Variants in SLC4A8 observed in about 807,000 individuals in gnomAD.
The protein encoded by SLC4A8 is solute carrier family 4 member 8, also known as electroneutral sodium bicarbonate exchanger 1.
Under a neutral mutation model 125.0 loss-of-function variants are expected in SLC4A8, and 40 were observed. The ratio of observed to expected loss-of-function variants is 0.32; its 90% CI spans 0.25 to 0.42. The LOEUF is 0.42. Ranked by LOEUF, SLC4A8 falls within the 10% of genes least tolerant of loss-of-function variation. The pLI is 1.00. For missense variants in SLC4A8, 863 were observed against 1,355.1 expected, an observed-to-expected ratio of 0.64 and a Z score of 5.70; for synonymous variants, 456 against 476.0, an observed-to-expected ratio of 0.96 and a Z score of 0.55.
intron 1 of SLC4A8, among the ~76,000 whole-genome samples, chr12:51,418,721 C>T (rs1352067705): frequency 6.6e-6 from 1 of 151,932 alleles, no homozygotes; most frequent in Non-Finnish European, 1.5e-5. Context: ...CCTTTTTGCC[C>T]CAGTCCTAAT....
intron 1 of SLC4A8, among the ~76,000 whole-genome samples, chr12:51,439,877 T>C (rs1949538796): frequency 6.6e-6 from 1 of 152,198 alleles, no homozygotes; most frequent in Non-Finnish European, 1.5e-5. Context: ...GTGTTAGTTT[T>C]GGAAGGAAAG....
chr12:51,458,559 G>T lies in SLC4A8; in HGVS notation c.764G>T (p.Gly255Val). ...ATTTTGTTTTATTTTCTCCAAATAG[G>T]TCAAACCGTGTCTCCTCAGTCTGTT... ...QSDPHLMDKH[G>V]QTVSPQSVPT... The change falls in exon 7 of 25, where the codon GGT becomes GTT. Residue 255 changes from glycine to valine, a missense_variant and splice_region_variant. By Grantham distance (109) the Gly-to-Val change is moderately radical. Coordinates refer to ENST00000453097, the MANE Select transcript of SLC4A8 (RefSeq NM_001039960.3). 1.9e-6 allele frequency: 3 copies of T among 1,611,074 alleles called. No homozygotes were observed. The highest frequency in any genetic ancestry group is 2.5e-6 in the Non-Finnish European group (3 of 1,177,262).
intron 1 of SLC4A8, among the ~76,000 whole-genome samples, chr12:51,427,337 TTA>T (rs1949026346): frequency 6.6e-6 from 1 of 152,100 alleles, no homozygotes; most frequent in South Asian, 2.1e-4. Context: ...TGTTTACAGG[TTA>T]TATTATTGAG....
intron 1 of SLC4A8, 70 bp downstream of exon 1, chr12:51,425,105 CT>C: frequency 6.6e-7 from 1 of 1,509,436 alleles, no homozygotes; most frequent in South Asian, 1.2e-5. Context: ...GCCCACCCTC[CT>C]TCCTTCTGCC....
intron 17 of SLC4A8, among the ~76,000 whole-genome samples, chr12:51,487,137 A>G (rs1159062369): frequency 6.6e-6 from 1 of 152,194 alleles, no homozygotes; most frequent in Non-Finnish European, 1.5e-5. Flanking sequence ...GGGAGGTAGG[A>G]CAGGGGAGAA....
At chr12:51,473,934 G>T (rs1950784808) in intron 14 of SLC4A8, among the ~76,000 whole-genome samples, 1 of 152,184 alleles carries the variant, frequency 6.6e-6, no homozygotes, top group Non-Finnish European at 1.5e-5. Flanking sequence ...CTTGGAAGAA[G>T]TTATTGAGAA....
intron 23 of SLC4A8, 85 bp downstream of exon 23, chr12:51,504,205 C>A: frequency 1.3e-6 from 1 of 780,674 alleles, no homozygotes; most frequent in Non-Finnish European, 2.2e-6. Flanking sequence ...GTCACAAGTG[C>A]AGCTGCTGGC....
intron 1 of SLC4A8, among the ~76,000 whole-genome samples, chr12:51,418,423 T>C (rs1224617922): frequency 6.6e-6 from 1 of 152,216 alleles, no homozygotes; most frequent in Non-Finnish European, 1.5e-5. Flanking sequence ...ATACAAGTTA[T>C]AGTCTAATTA....
intron 1 of SLC4A8, among the ~76,000 whole-genome samples, chr12:51,431,730 G>A (rs866684964): frequency 6.6e-6 from 1 of 152,292 alleles, no homozygotes; most frequent in African/African-American, 2.4e-5. Context: ...CTGAGGCTCT[G>A]CTGGATGAAG....
chr12:51,474,312 C>T (rs754159380), intron 14 of SLC4A8, 30 bp from the exon 15 acceptor site: 5 of 1,439,642 alleles, frequency 3.5e-6, no homozygotes, highest in South Asian at 1.2e-5. Context: ...GGCTGTTTTC[C>T]TCAGGAATCT....
At chr12:51,451,078 G>A in intron 3 of SLC4A8, 56 bp downstream of exon 3, 1 of 1,347,070 alleles carries the variant, frequency 7.4e-7, no homozygotes, top group Non-Finnish European at 9.7e-7. Flanking sequence ...TGGGGAGGCT[G>A]AGGGGACATG....
chr12:51,450,571 T>C, intron 2 of SLC4A8: 2 of 291,242 alleles, frequency 6.9e-6, no homozygotes, highest in South Asian at 5.2e-5. Context: ...AGTCAAATTG[T>C]CATTGTCATT....
chr12:51,493,605 G>T, intron 19 of SLC4A8, 99 bp from the exon 20 acceptor site: 2 of 804,442 alleles, frequency 2.5e-6, no homozygotes, highest in Non-Finnish European at 4.3e-6. Flanking sequence ...GCTATTTTGT[G>T]ACTTTGTTTC....
intron 17 of SLC4A8, 58 bp downstream of exon 17, chr12:51,485,958 A>C: frequency 9.8e-7 from 1 of 1,019,946 alleles, no homozygotes; most frequent in Non-Finnish European, 1.5e-6. Context: ...TCTGATGCCA[A>C]GTAAATTTCA....
At chr12:51,442,695 A>T (rs912104648) in intron 2 of SLC4A8, among the ~76,000 whole-genome samples, 1 of 152,202 alleles carries the variant, frequency 6.6e-6, no homozygotes, top group Non-Finnish European at 1.5e-5. Flanking sequence ...AAAAAAAAGC[A>T]TTACACGCAA....
At chr12:51,468,025 G>T (rs572792866) in intron 11 of SLC4A8, among the ~76,000 whole-genome samples, 2 of 152,260 alleles carry the variant, frequency 1.3e-5, no homozygotes, top group African/African-American at 4.8e-5. Flanking sequence ...TTTGCATTTG[G>T]TTATTATGTT....
At chr12:51,449,072 A>G (rs1949880423) in intron 2 of SLC4A8, among the ~76,000 whole-genome samples, 1 of 152,176 alleles carries the variant, frequency 6.6e-6, no homozygotes. Flanking sequence ...ACTCATTAAC[A>G]TACCCAGCTT....
intron 16 of SLC4A8, among the ~76,000 whole-genome samples, chr12:51,481,990 T>C (rs1039950091): frequency 2.6e-5 from 4 of 152,060 alleles, no homozygotes; most frequent in Non-Finnish European, 5.9e-5. Context: ...AGTTCTCTAC[T>C]CTTAAGTTGG....
chr12:51,470,450 C>T lies in SLC4A8; in HGVS notation c.1583C>T (p.Ala528Val). ...SMTGIAYSLF[A>V]GQALTILGST... is the part of the protein sequence containing the mutation. Reference sequence around the variant, plus strand: ...ACTGGGATTGCTTATTCCTTGTTTGCGGGACAGGCTCTCACCATCCTGGGA... The same window carrying T: ...ACTGGGATTGCTTATTCCTTGTTTGTGGGACAGGCTCTCACCATCCTGGGA... The change falls in exon 13 of 25, where the codon GCG becomes GTG. Residue 528 changes from alanine to valine, a missense_variant. Ala to Val is a moderately conservative substitution (Grantham distance 64). Coordinates refer to ENST00000453097, the MANE Select transcript of SLC4A8 (RefSeq NM_001039960.3). 6.2e-7 allele frequency: 1 copy of T among 1,613,214 alleles called. No homozygotes were observed. Among genetic ancestry groups the T allele is most frequent in the Non-Finnish European group, 8.5e-7 (1 of 1,179,252 alleles).
Sources: gnomAD v4.1 joint callset for allele counts (sites outside exome capture counted in the v4.1 genomes callset) on GRCh38, gnomAD v4.1.1 for gene constraint, MANE v1.5 for transcripts, NCBI Gene and HGNC (gene_info 2026-07-23, HGNC 2026-07-21) for gene names.